The following ZNF385D variants were observed in gnomAD, a reference collection of about 807,000 sequenced individuals.
The protein encoded by ZNF385D is zinc finger protein 385D.
Under a neutral mutation model 35.8 loss-of-function variants are expected in ZNF385D, and 15 were observed. That is an observed-to-expected ratio of 0.42 (90% CI 0.28 to 0.64). ZNF385D has a LOEUF of 0.64. Ranked by LOEUF, ZNF385D falls within the 30% of genes least tolerant of loss-of-function variation. The probability of loss-of-function intolerance (pLI) is 0.23; values close to 1 mark genes in which losing one functional copy is unlikely to be tolerated. For synonymous variants in ZNF385D, 212 were observed against 186.8 expected, an observed-to-expected ratio of 1.13 and a Z score of -1.10; for missense variants, 474 against 494.6, an observed-to-expected ratio of 0.96 and a Z score of 0.39.
intron 3 of ZNF385D, among the ~76,000 whole-genome samples, chr3:22,086,051 C>T (rs76575809): frequency 6.6e-6 from 1 of 152,274 alleles, no homozygotes; most frequent in East Asian, 1.9e-4. Context: ...TGGCACATAT[C>T]TCAAAATAAT....
Position 21,975,736 on chromosome 3 carries a change from T to C in ZNF385D, c.325+193081A>G, listed in dbSNP as rs1458572136. On this transcript the variant is annotated intron_variant, in intron 3 of 5. Coordinates refer to the ZNF385D transcript ENST00000494108. ...ATATATATATATATATATATATATA[T>C]ATATATATATATATATATACACACA... is the stretch of plus-strand genomic sequence containing the variant. 7.2e-4 allele frequency among the ~76,000 whole-genome samples: 35 copies of C among 48,546 alleles called. 1 individual carries two copies. Among genetic ancestry groups the C allele is most frequent in the African/African-American group, 6.4e-3 (29 of 4,544 alleles). 31.8% of individuals were successfully genotyped at this position (48,546 alleles called of 152,430 possible).
At chr3:21,512,331 A>G (rs1424856242) in intron 3 of ZNF385D, among the ~76,000 whole-genome samples, 1 of 152,148 alleles carries the variant, frequency 6.6e-6, no homozygotes, top group African/African-American at 2.4e-5. Context: ...CCACAAAAGG[A>G]TATCTCAGTA....
intron 2 of ZNF385D, among the ~76,000 whole-genome samples, chr3:22,227,994 A>G (rs972998678): frequency 3.3e-5 from 5 of 152,154 alleles, no homozygotes; most frequent in African/African-American, 1.2e-4. Context: ...GGAAAAGCCA[A>G]GAACCCGCCT....
At position 22,103,158 on chromosome 3, in the gene ZNF385D, C is replaced by A. The variant is rs766687638; in HGVS notation, c.325+65659G>T. ...ATATTAGTATTTTCTCAAGATACTG[C>A]GGTTGTACAAACCTCTCTGATCACT... On this transcript the variant is annotated intron_variant, in intron 3 of 5. Coordinates refer to the ZNF385D transcript ENST00000494108. 3.0e-4 allele frequency among the ~76,000 whole-genome samples: 45 copies of A among 151,148 alleles called. No homozygotes were observed. The South Asian group carries it at 3.5e-3, about 12-fold the overall frequency.
At chr3:22,030,446 G>GGAGGGAGAGAGA (rs1697925406) in intron 3 of ZNF385D, among the ~76,000 whole-genome samples, 1 of 150,734 alleles carries the variant, frequency 6.6e-6, no homozygotes, top group Non-Finnish European at 1.5e-5. Context: ...CAAAGTGGCA[G>GGAGGGAGAGAGA]GAGGGAGAGA....
chr3:22,144,978 A>T (rs1429025342), intron 3 of ZNF385D, among the ~76,000 whole-genome samples: 1 of 150,720 alleles, frequency 6.6e-6, no homozygotes. Context: ...ATCAAGACAG[A>T]GCTAACTAGA....
At chr3:21,576,919 T>A (rs1313505620) in intron 2 of ZNF385D, among the ~76,000 whole-genome samples, 1 of 152,238 alleles carries the variant, frequency 6.6e-6, no homozygotes, top group African/African-American at 2.4e-5. Flanking sequence ...AACATTGTGA[T>A]ATTTTGATAC....
chr3:22,351,660 A>G (rs1234051928), intron 2 of ZNF385D, among the ~76,000 whole-genome samples: 1 of 152,178 alleles, frequency 6.6e-6, no homozygotes, highest in Non-Finnish European at 1.5e-5. Context: ...AAACAAGCCT[A>G]CAATGATACT....
At chr3:22,303,484 T>C (rs774438326) in intron 2 of ZNF385D, among the ~76,000 whole-genome samples, 2 of 152,144 alleles carry the variant, frequency 1.3e-5, no homozygotes, top group Admixed American at 6.6e-5. Flanking sequence ...TCTTGCCTCC[T>C]TTCTTTTTAG....
At chr3:22,117,053 A>T (rs550145734) in intron 3 of ZNF385D, among the ~76,000 whole-genome samples, 28 of 152,114 alleles carry the variant, frequency 1.8e-4, no homozygotes, top group Non-Finnish European at 2.9e-4. Flanking sequence ...AGAGGCATGG[A>T]AAGAATTCAA....
intron 2 of ZNF385D, among the ~76,000 whole-genome samples, chr3:21,663,753 T>C (rs1389511665): frequency 6.6e-6 from 1 of 151,272 alleles, no homozygotes; most frequent in African/African-American, 2.4e-5. Context: ...ATCATTTTGA[T>C]TCTCCCTTGT....
intron 3 of ZNF385D, among the ~76,000 whole-genome samples, chr3:21,785,859 G>T (rs1362181765): frequency 6.6e-6 from 1 of 152,128 alleles, no homozygotes; most frequent in Non-Finnish European, 1.5e-5. Flanking sequence ...ACTGAATGTG[G>T]CAATTGCTTT....
intron 3 of ZNF385D, among the ~76,000 whole-genome samples, chr3:22,125,310 T>A (rs1424668531): frequency 2.6e-5 from 4 of 152,174 alleles, no homozygotes; most frequent in Non-Finnish European, 5.9e-5. Flanking sequence ...CTGTTTGGGT[T>A]ACTATAGCTC....
chr3:21,964,806 T>C (rs542785261), intron 3 of ZNF385D, among the ~76,000 whole-genome samples: 1,616 of 152,256 alleles, frequency 0.011, 31 homozygotes, highest in African/African-American at 0.037. Context: ...TTCACAGATC[T>C]TGAAGTAACA....
intron 2 of ZNF385D, among the ~76,000 whole-genome samples, chr3:22,272,654 A>T (rs540515637): frequency 3.3e-5 from 5 of 151,848 alleles, no homozygotes; most frequent in African/African-American, 7.2e-5. Flanking sequence ...ATAAAACTTT[A>T]AAAAAAATTC....
chr3:21,860,600 C>G (rs540057293), intron 3 of ZNF385D, among the ~76,000 whole-genome samples: 30 of 152,234 alleles, frequency 2.0e-4, no homozygotes, highest in African/African-American at 7.2e-4. Flanking sequence ...GGACAGGAAA[C>G]AGATCAAGCA....
At chr3:22,217,486 C>T (rs2638134) in intron 2 of ZNF385D, among the ~76,000 whole-genome samples, 85,243 of 152,020 alleles carry the variant, frequency 0.56, 25,832 homozygotes, top group East Asian at 0.72. Flanking sequence ...GACCTCTTAA[C>T]GAATTACCTC....
chr3:22,066,145 A>AT (rs199684825), intron 3 of ZNF385D, among the ~76,000 whole-genome samples: 4,081 of 151,938 alleles, frequency 0.027, 95 homozygotes, highest in Non-Finnish European at 0.041. Context: ...AAAAAATACC[A>AT]TTTTTTTTCT....
chr3:21,422,307 C>A (rs1414708975), intron 7 of ZNF385D, among the ~76,000 whole-genome samples: 2 of 152,196 alleles, frequency 1.3e-5, no homozygotes, highest in Non-Finnish European at 2.9e-5. Flanking sequence ...GAATTCTTCA[C>A]CTCCCAATGC....
Sources: gnomAD v4.1 joint callset for allele counts (sites outside exome capture counted in the v4.1 genomes callset) on GRCh38, gnomAD v4.1.1 for gene constraint, MANE v1.5 for transcripts, NCBI Gene and HGNC (gene_info 2026-07-23, HGNC 2026-07-21) for gene names.